ADAMTS2: variants seen among roughly 807,000 people sequenced by gnomAD.
ADAMTS2 encodes the protein A disintegrin and metalloproteinase with thrombospondin motifs 2.
ADAMTS2 carries 50 observed loss-of-function variants against 123.0 expected under a neutral mutation model. The observed-to-expected ratio is 0.41, with a 90% CI of 0.32 to 0.51. ADAMTS2 has a LOEUF of 0.51. Among genes scored for constraint, ADAMTS2 ranks in the 20% least tolerant of loss-of-function variants. ADAMTS2 has a pLI of 0.35. For missense variants in ADAMTS2, 1,494 were observed against 1,705.2 expected, an observed-to-expected ratio of 0.88 and a Z score of 2.18; for synonymous variants, 678 against 695.4, an observed-to-expected ratio of 0.98 and a Z score of 0.39.
Position 179,132,962 on chromosome 5 carries a change from A to G in ADAMTS2, c.2086-62T>C. On this transcript the variant is annotated intron_variant, in intron 13 of 21. Transcript: ENST00000251582. This position sits in a 1 kb window ranked among gnomAD's most constrained non-coding sequence, Gnocchi z 6.1. ...CTGCTAGTAGAGTCAGGGTCATACT[A>G]TGTTGCCCCCAGTCTCGAACACCTG... 3 of 1,586,964 alleles carry G rather than the reference A, an allele frequency of 1.9e-6. No homozygotes were observed. Among genetic ancestry groups the G allele is most frequent in the South Asian group, 1.1e-5 (1 of 87,758 alleles).
intron 3 of ADAMTS2, among the ~76,000 whole-genome samples, chr5:179,252,145 C>A (rs1287501033): frequency 2.6e-5 from 4 of 151,748 alleles, no homozygotes; most frequent in Non-Finnish European, 5.9e-5. Flanking sequence ...GTAGCTGGTT[C>A]CACAGGTGCA....
chr5:179,229,229 C>T (rs1226484944), intron 3 of ADAMTS2, among the ~76,000 whole-genome samples: 2 of 152,190 alleles, frequency 1.3e-5, no homozygotes, highest in Non-Finnish European at 2.9e-5. Flanking sequence ...GTGACTTGGC[C>T]GTGATCAAAA....
chr5:179,277,233 C>T (rs968527877), intron 2 of ADAMTS2, among the ~76,000 whole-genome samples: 6 of 152,060 alleles, frequency 3.9e-5, no homozygotes, highest in Non-Finnish European at 5.9e-5. Flanking sequence ...CTCACAGCCC[C>T]GCCCGTCTCT....
In ADAMTS2 at chr5:179,258,708, C is replaced by T. The variant is rs144198708; in HGVS notation, c.688+14203G>A. Among the ~76,000 whole-genome samples the T allele has an allele frequency of 5.7e-3, 865 of 152,274 alleles. 20 individuals carry two copies. The highest frequency in any genetic ancestry group is 0.048 in the Admixed American group (735 of 15,302). On this transcript the variant is annotated intron_variant, in intron 3 of 21. Transcript: ENST00000251582. ...ACAGGGACCTTCCCAGGCCCGGATC[C>T]CACAGAGGAAATGATTCTAGCGAGC...
chr5:179,173,053 G>GA (rs1001315728), intron 5 of ADAMTS2, among the ~76,000 whole-genome samples: 113 of 147,904 alleles, frequency 7.6e-4, no homozygotes, highest in African/African-American at 2.4e-3. Flanking sequence ...AAAAAAAAAA[G>GA]AAAAAAAAAT....
chr5:179,273,751 G>A (rs1291674575), intron 2 of ADAMTS2, among the ~76,000 whole-genome samples: 2 of 151,912 alleles, frequency 1.3e-5, no homozygotes, highest in Non-Finnish European at 2.9e-5. Context: ...AGACTCTACA[G>A]GCAGCTGAAC....
chr5:179,291,066 T>G (rs1756173258), intron 2 of ADAMTS2, among the ~76,000 whole-genome samples: 1 of 152,200 alleles, frequency 6.6e-6, no homozygotes, highest in Admixed American at 6.5e-5. Context: ...AGTGGCTTGA[T>G]GAGCGAGCCA....
chr5:179,177,707 A>G (rs1398825838), intron 5 of ADAMTS2, among the ~76,000 whole-genome samples: 2 of 152,160 alleles, frequency 1.3e-5, no homozygotes, highest in Non-Finnish European at 2.9e-5. Context: ...CTCTTCTGCA[A>G]ATGTTCTGAC....
chr5:179,314,235 C>T lies in ADAMTS2; in HGVS notation c.534+29532G>A, dbSNP rs550865322. The stretch of plus-strand genomic sequence containing the variant: ...CCTGGTCCCATCCTGCCCCTCCCAC[C>T]GGGTCGGCCCTGTCCTTGTCTTGCT... On this transcript the variant is annotated intron_variant, in intron 2 of 21. Transcript: ENST00000251582. This position sits in a 1 kb window ranked among gnomAD's most constrained non-coding sequence, Gnocchi z 4.5. Among the ~76,000 whole-genome samples, 4 of 152,368 alleles carry T rather than the reference C, an allele frequency of 2.6e-5. No individual in the cohort carries two copies. The highest frequency in any genetic ancestry group is 2.1e-4 in the South Asian group (1 of 4,830).
intron 2 of ADAMTS2, chr5:179,341,324 C>T (rs531011961): frequency 8.8e-5 from 33 of 374,488 alleles, no homozygotes; most frequent in African/African-American, 6.3e-4. Flanking sequence ...GAGTTTGAGA[C>T]CAGCCTGATC....
rs993255528 is a variant in ADAMTS2 at position 179,307,084 on chromosome 5, A to G, written c.535-34020T>C. 6.6e-6 allele frequency among the ~76,000 whole-genome samples: 1 copy of G among 152,096 alleles called. No individual in the cohort carries two copies. The highest frequency in any genetic ancestry group is 6.5e-5 in the Admixed American group (1 of 15,278). On this transcript the variant is annotated intron_variant, in intron 2 of 21. Coordinates refer to ENST00000251582, the MANE Select transcript of ADAMTS2 (RefSeq NM_014244.5). The surrounding 1 kb of genome is among the most constrained non-coding windows in gnomAD (Gnocchi z 5.6). ...CACGTAGTAGAGGGGCAGCCGAGTA[A>G]GAAGAACCTCTCGGGGAAGTCAGTG...
chr5:179,345,340 T>A lies in ADAMTS2; in HGVS notation c.-12A>T. The stretch of plus-strand genomic sequence containing the variant: ...GCCGGCGGATCCATGGCAGCCGGAC[T>A]GCAGCCGGGGCCCCGCACTCGCAGC... On this transcript the variant is annotated 5_prime_UTR_variant, in exon 1 of 22. Transcript: ENST00000251582. The surrounding 1 kb of genome is among the most constrained non-coding windows in gnomAD (Gnocchi z 7.5). 8.9e-7 allele frequency: 1 copy of A among 1,129,698 alleles called. No individual in the cohort carries two copies. Among genetic ancestry groups the A allele is most frequent in the South Asian group, 4.3e-5 (1 of 23,468 alleles). The allele number at this position is 1,129,698 out of a possible 1,614,324, so 70.0% of individuals were successfully genotyped here.
At chr5:179,166,173 G>C (rs940512217) in intron 5 of ADAMTS2, among the ~76,000 whole-genome samples, 1 of 152,162 alleles carries the variant, frequency 6.6e-6, no homozygotes, top group Non-Finnish European at 1.5e-5. Context: ...TCCTTGCTAT[G>C]CTGGTTCACA....
intron 5 of ADAMTS2, among the ~76,000 whole-genome samples, chr5:179,176,706 ATCT>A (rs929959721): frequency 1.3e-5 from 2 of 152,226 alleles, no homozygotes; most frequent in Non-Finnish European, 2.9e-5. Flanking sequence ...GGAGCCAGTG[ATCT>A]TCTTAGAAAT....
At chr5:179,293,392 G>A (rs1267250822) in intron 2 of ADAMTS2, among the ~76,000 whole-genome samples, 2 of 152,248 alleles carry the variant, frequency 1.3e-5, no homozygotes, top group Non-Finnish European at 2.9e-5. Flanking sequence ...TCAATGTGAA[G>A]AGTATTTTCC....
At chr5:179,165,153 G>A (rs549634977) in intron 5 of ADAMTS2, among the ~76,000 whole-genome samples, 9 of 152,270 alleles carry the variant, frequency 5.9e-5, no homozygotes, top group African/African-American at 1.9e-4. Context: ...GGGCTCCAGC[G>A]GGACCACCTG....
chr5:179,148,653 G>A (rs1036985256), intron 10 of ADAMTS2, among the ~76,000 whole-genome samples: 4 of 152,098 alleles, frequency 2.6e-5, no homozygotes, highest in Non-Finnish European at 5.9e-5. Flanking sequence ...CTCCCCTCCC[G>A]TGCTTCCTTC....
intron 3 of ADAMTS2, among the ~76,000 whole-genome samples, chr5:179,230,973 T>C (rs1426763561): frequency 6.6e-6 from 1 of 151,276 alleles, no homozygotes; most frequent in African/African-American, 2.4e-5. Context: ...ATCGTGCCAC[T>C]GCACTCCAGC....
In ADAMTS2 at chr5:179,162,115, C is replaced by T. The variant is rs531829643; in HGVS notation, c.976-3236G>A. On this transcript the variant is annotated intron_variant, in intron 5 of 21. Coordinates refer to ENST00000251582, the MANE Select transcript of ADAMTS2 (RefSeq NM_014244.5). The surrounding 1 kb of genome is among the most constrained non-coding windows in gnomAD (Gnocchi z 5.1). ...GGGAGTCCTGTCCAAGATGAACTCACCTGCCCTCAGGGTCCTAAGCCCCAT... is the reference window on the plus strand; with the variant it reads ...GGGAGTCCTGTCCAAGATGAACTCATCTGCCCTCAGGGTCCTAAGCCCCAT... 1.3e-5 allele frequency among the ~76,000 whole-genome samples: 2 copies of T among 152,314 alleles called. No homozygotes were observed. The highest frequency in any genetic ancestry group is 2.1e-4 in the South Asian group (1 of 4,826).
Sources: allele counts gnomAD v4.1 joint callset (sites outside exome capture counted in the v4.1 genomes callset), GRCh38; gene constraint gnomAD v4.1.1; non-coding constraint Gnocchi (gnomAD v3.1); transcripts MANE v1.5; gene names NCBI Gene and HGNC (gene_info 2026-07-23, HGNC 2026-07-21).